The following MALRD1 variants were observed in gnomAD, a reference collection of about 807,000 sequenced individuals.
The protein encoded by MALRD1 is MAM and LDL receptor class A domain containing 1, also known as MAM and LDL-receptor class A domain-containing protein 1.
A neutral mutation model predicts 242.1 loss-of-function variants in MALRD1; 247 were observed. The observed-to-expected ratio is 1.02, with a 90% CI of 0.92 to 1.13. MALRD1 has a LOEUF of 1.13. Among genes scored for constraint, MALRD1 ranks in the 50% most tolerant of loss-of-function variants. The pLI is 0.00. For synonymous variants in MALRD1, 995 were observed against 866.6 expected (o/e 1.15, Z -2.60); for missense variants, 2,989 against 2,533.1 (o/e 1.18, Z -3.86).
intron 21 of MALRD1, among the ~76,000 whole-genome samples, chr10:19,317,963 T>C (rs1165655940): frequency 1.3e-5 from 2 of 152,036 alleles, no homozygotes; most frequent in Non-Finnish European, 2.9e-5. Flanking sequence ...TACTGTGTGG[T>C]TTATGATATG....
At position 19,209,574 on chromosome 10, in the gene MALRD1, G is replaced by A. The variant is rs140205728; in HGVS notation, c.2885G>A (p.Arg962Gln). 1.0e-5 allele frequency: 16 copies of A among 1,550,858 alleles called. No individual in the cohort carries two copies. Among genetic ancestry groups the A allele is most frequent in the South Asian group, 7.1e-5 (6 of 84,058 alleles). Reference protein sequence around the residue: ...KRIYRLAIYQRIWSDSRGQLL... With the variant: ...KRIYRLAIYQQIWSDSRGQLL... ...ATTTATAGGTTGGCAATCTACCAACGAATCTGGAGTGACTCAAGGGGACAG... is the reference window on the plus strand; with the variant it reads ...ATTTATAGGTTGGCAATCTACCAACAAATCTGGAGTGACTCAAGGGGACAG... The change falls in exon 18 of 40, where the codon CGA becomes CAA. Residue 962 changes from arginine to glutamine, a missense_variant. By Grantham distance (43) the Arg-to-Gln change is conservative. Transcript: ENST00000454679.
chr10:19,554,764 GCAC>G (rs1564436845), intron 32 of MALRD1, among the ~76,000 whole-genome samples: 1 of 152,090 alleles, frequency 6.6e-6, no homozygotes, highest in African/African-American at 2.4e-5. Context: ...TGGTGTATAT[GCAC>G]CACATTTTTT....
intron 26 of MALRD1, among the ~76,000 whole-genome samples, chr10:19,387,298 CT>C (rs36070001): frequency 0.55 from 79,409 of 143,112 alleles, 21,697 homozygotes; most frequent in Middle Eastern, 0.58. Flanking sequence ...TAAAGTGATG[CT>C]TTTTTTTTTT....
At chr10:19,111,135 G>A (rs1418327095) in intron 5 of MALRD1, among the ~76,000 whole-genome samples, 1 of 124,826 alleles carries the variant, frequency 8.0e-6, no homozygotes, top group Non-Finnish European at 1.7e-5. Flanking sequence ...CAAAGACCAA[G>A]TAGATGGGCC....
intron 39 of MALRD1, 127 bp from the exon 40 acceptor site, chr10:19,734,030 G>A (rs1178528851): frequency 6.0e-6 from 4 of 664,542 alleles, no homozygotes; most frequent in East Asian, 2.9e-5. Context: ...GAAGAGTCAG[G>A]GATGTTCTAG....
At chr10:19,649,632 C>T (rs1037051127) in intron 36 of MALRD1, among the ~76,000 whole-genome samples, 1 of 151,934 alleles carries the variant, frequency 6.6e-6, no homozygotes, top group African/African-American at 2.4e-5. Flanking sequence ...GATATTAAAC[C>T]TTTGTCAGAT....
chr10:19,459,162 C>T (rs572916897), intron 29 of MALRD1, among the ~76,000 whole-genome samples: 1 of 152,178 alleles, frequency 6.6e-6, no homozygotes, highest in East Asian at 1.9e-4. Context: ...AGCTATCAAT[C>T]CTTTGCAGGT....
At chr10:19,672,257 C>A (rs1022919214) in intron 36 of MALRD1, among the ~76,000 whole-genome samples, 2 of 151,894 alleles carry the variant, frequency 1.3e-5, no homozygotes, top group African/African-American at 4.8e-5. Context: ...AGTGGAATTG[C>A]TCTTAAATCT....
At chr10:19,621,974 T>C (rs1485221669) in intron 36 of MALRD1, among the ~76,000 whole-genome samples, 1 of 151,824 alleles carries the variant, frequency 6.6e-6, no homozygotes, top group Non-Finnish European at 1.5e-5. Context: ...CTTTATATTT[T>C]AAAAAGAGGC....
intron 28 of MALRD1, among the ~76,000 whole-genome samples, chr10:19,442,578 A>G (rs1457643690): frequency 2.0e-5 from 3 of 152,034 alleles, no homozygotes; most frequent in Non-Finnish European, 4.4e-5. Flanking sequence ...TGAGATAATC[A>G]TGTGGTTTTT....
chr10:19,418,237 G>C (rs1833585234), intron 28 of MALRD1, among the ~76,000 whole-genome samples: 1 of 151,690 alleles, frequency 6.6e-6, no homozygotes, highest in South Asian at 2.1e-4. Context: ...CAGTAAACTA[G>C]CTAGATAATA....
intron 29 of MALRD1, among the ~76,000 whole-genome samples, chr10:19,454,935 C>T (rs1021464507): frequency 6.6e-6 from 1 of 151,948 alleles, no homozygotes; most frequent in African/African-American, 2.4e-5. Flanking sequence ...TATTTATTTG[C>T]ATTCTGAATA....
intron 19 of MALRD1, among the ~76,000 whole-genome samples, chr10:19,275,085 C>G (rs559263558): frequency 2.0e-5 from 3 of 151,938 alleles, no homozygotes; most frequent in Non-Finnish European, 4.4e-5. Flanking sequence ...TTCTTTCTTT[C>G]TATTCTTTCT....
chr10:19,376,050 A>G (rs1845574502), intron 26 of MALRD1, among the ~76,000 whole-genome samples: 1 of 152,222 alleles, frequency 6.6e-6, no homozygotes, highest in African/African-American at 2.4e-5. Flanking sequence ...TGAACCCAGG[A>G]GATGGAGGTT....
At chr10:19,274,931 T>C (rs1840436390) in intron 19 of MALRD1, among the ~76,000 whole-genome samples, 1 of 152,132 alleles carries the variant, frequency 6.6e-6, no homozygotes, top group Admixed American at 6.5e-5. Context: ...GCCTTAATAC[T>C]ATTTACCACA....
chr10:19,100,733 G>T (rs184762140), intron 4 of MALRD1, among the ~76,000 whole-genome samples: 1 of 152,230 alleles, frequency 6.6e-6, no homozygotes, highest in African/African-American at 2.4e-5. Flanking sequence ...GAGTTCAGGA[G>T]AGAGATGAAC....
intron 16 of MALRD1, among the ~76,000 whole-genome samples, chr10:19,204,670 G>A (rs538678128): frequency 6.6e-6 from 1 of 152,246 alleles, no homozygotes; most frequent in East Asian, 1.9e-4. Context: ...TCTTCCTCTT[G>A]TTATGTACTG....
At chr10:19,612,953 C>A (rs1297733074) in intron 35 of MALRD1, among the ~76,000 whole-genome samples, 1 of 152,010 alleles carries the variant, frequency 6.6e-6, no homozygotes, top group Non-Finnish European at 1.5e-5. Context: ...CAAACCTTAT[C>A]ACTGCTTAAC....
At chr10:19,478,939 C>T (rs148920798) in intron 29 of MALRD1, among the ~76,000 whole-genome samples, 1 of 151,978 alleles carries the variant, frequency 6.6e-6, no homozygotes, top group East Asian at 1.9e-4. Flanking sequence ...ATCATTTTAC[C>T]CAAAGTATTT....
Sources: allele counts gnomAD v4.1 joint callset (sites outside exome capture counted in the v4.1 genomes callset), GRCh38; gene constraint gnomAD v4.1.1; transcripts MANE v1.5; gene names NCBI Gene and HGNC (gene_info 2026-07-23, HGNC 2026-07-21).